The following BCR variants were observed in gnomAD, a reference collection of about 807,000 sequenced individuals.
BCR encodes breakpoint cluster region protein.
A neutral mutation model predicts 138.6 loss-of-function variants in BCR; 58 were observed. The ratio of observed to expected loss-of-function variants is 0.42; its 90% CI spans 0.34 to 0.52. The LOEUF is 0.52. Ranked by LOEUF, BCR falls within the 20% of genes least tolerant of loss-of-function variation. BCR has a pLI of 0.06. For missense variants in BCR, 1,599 were observed against 1,727.2 expected (o/e 0.93, Z 1.32); for synonymous variants, 786 against 730.1 (o/e 1.08, Z -1.23).
At chr22:23,212,715 C>G (rs935287554) in intron 1 of BCR, among the ~76,000 whole-genome samples, 1 of 152,338 alleles carries the variant, frequency 6.6e-6, no homozygotes, top group Non-Finnish European at 1.5e-5. Context: ...ACACACACAG[C>G]TTCCATGGGC....
At position 23,295,151 on chromosome 22, in the gene BCR, T is replaced by G; in HGVS notation, c.3008T>G (p.Val1003Gly). The G allele has an allele frequency of 6.2e-7, 1 of 1,611,624 alleles. No homozygotes were observed. Among genetic ancestry groups the G allele is most frequent in the Non-Finnish European group, 8.5e-7 (1 of 1,178,538 alleles). Residue 1003 changes from valine (V) to glycine (G), a missense_variant, in exon 16 of 23, where the codon GTC becomes GGC. Coordinates refer to ENST00000305877, the MANE Select transcript of BCR (RefSeq NM_004327.4). Reference protein sequence around the residue: ...STDRLMGKGQVQLDPQALQDR... With the variant: ...STDRLMGKGQGQLDPQALQDR... ...GACAGACTCATGGGGAAGGGCCAGGTCCAGGTGAGGCAGCCATCCCTACCC... is the reference window on the plus strand; with the variant it reads ...GACAGACTCATGGGGAAGGGCCAGGGCCAGGTGAGGCAGCCATCCCTACCC...
intron 8 of BCR, among the ~76,000 whole-genome samples, chr22:23,282,105 C>T (rs569383860): frequency 6.0e-4 from 91 of 152,388 alleles, no homozygotes; most frequent in South Asian, 1.0e-3. Flanking sequence ...CCTCCTTGGC[C>T]GGGAGGCCCT....
chr22:23,278,621 G>A (rs1234887580), intron 8 of BCR, among the ~76,000 whole-genome samples: 3 of 151,868 alleles, frequency 2.0e-5, no homozygotes, highest in Non-Finnish European at 2.9e-5. Context: ...CAGCTACTCC[G>A]GAGGCGGAGG....
intron 5 of BCR, among the ~76,000 whole-genome samples, 195 bp downstream of exon 5, chr22:23,268,710 C>T (rs2073474777): frequency 1.3e-5 from 2 of 152,214 alleles, no homozygotes; most frequent in Non-Finnish European, 1.5e-5. Context: ...GCCCACAGGG[C>T]GTCCTGCCTC....
intron 16 of BCR, among the ~76,000 whole-genome samples, chr22:23,301,969 G>A (rs552909071): frequency 5.3e-5 from 8 of 152,174 alleles, no homozygotes; most frequent in Non-Finnish European, 1.0e-4. Flanking sequence ...GCTCTTTTCT[G>A]GACTGTGGGC....
intron 1 of BCR, among the ~76,000 whole-genome samples, chr22:23,228,966 C>G (rs1879435081): frequency 6.6e-6 from 1 of 152,154 alleles, no homozygotes; most frequent in African/African-American, 2.4e-5. Flanking sequence ...TCTCTCCTCT[C>G]TTTCTGGGAC....
At chr22:23,224,797 G>A (rs910907525) in intron 1 of BCR, among the ~76,000 whole-genome samples, 5 of 152,048 alleles carry the variant, frequency 3.3e-5, no homozygotes, top group East Asian at 1.9e-4. Context: ...CAGGATAATC[G>A]CTTGAACCCA....
chr22:23,219,397 T>G (rs773389076), intron 1 of BCR, among the ~76,000 whole-genome samples: 2 of 152,012 alleles, frequency 1.3e-5, no homozygotes, highest in Non-Finnish European at 2.9e-5. Context: ...GGCTCCAGAG[T>G]CATCCCTATG....
intron 1 of BCR, among the ~76,000 whole-genome samples, chr22:23,191,451 A>AAAC (rs146041852): frequency 3.3e-5 from 5 of 151,744 alleles, no homozygotes; most frequent in Non-Finnish European, 7.4e-5. Context: ...CTTGTCTTTA[A>AAAC]AACAACAACA....
chr22:23,203,818 C>T (rs1337641075), intron 1 of BCR, among the ~76,000 whole-genome samples: 1 of 152,210 alleles, frequency 6.6e-6, no homozygotes, highest in Non-Finnish European at 1.5e-5. Flanking sequence ...TTAGGTCTGC[C>T]AGATAGCATT....
intron 16 of BCR, chr22:23,307,716 A>T (rs1446513075): frequency 6.7e-6 from 1 of 150,282 alleles, no homozygotes; most frequent in African/African-American, 2.5e-5. Flanking sequence ...CTCTGGCTGC[A>T]CAGTTCAGAG....
chr22:23,181,508 A>T lies in BCR; in HGVS notation c.548A>T (p.His183Leu). The T allele has an allele frequency of 6.2e-7, 1 of 1,612,396 alleles. No individual in the cohort carries two copies. The highest frequency in any genetic ancestry group is 8.5e-7 in the Non-Finnish European group (1 of 1,179,550). Residue 183 changes from histidine (H) to leucine (L), a missense_variant, in exon 1 of 23, where the codon CAC becomes CTC. Coordinates refer to ENST00000305877, the MANE Select transcript of BCR (RefSeq NM_004327.4). ...EKPFYVNVEF[H>L]HERGLVKVND... Reference sequence around the variant, plus strand: ...CCCTTCTACGTGAACGTCGAGTTTCACCACGAGCGCGGCCTGGTGAAGGTC... The same window carrying T: ...CCCTTCTACGTGAACGTCGAGTTTCTCCACGAGCGCGGCCTGGTGAAGGTC...
At chr22:23,280,268 G>A (rs1483311641) in intron 8 of BCR, among the ~76,000 whole-genome samples, 4 of 152,222 alleles carry the variant, frequency 2.6e-5, no homozygotes, top group East Asian at 1.9e-4. Context: ...AGCTGGAGGA[G>A]GCAGCTGGCC....
chr22:23,262,933 G>T (rs186780558), intron 4 of BCR: 54 of 1,107,848 alleles, frequency 4.9e-5, no homozygotes, highest in Non-Finnish European at 5.9e-5. Context: ...GAAGCAGAGG[G>T]AGGCGGAAGC....
chr22:23,203,410 G>A (rs2146211765), intron 1 of BCR, among the ~76,000 whole-genome samples: 1 of 152,304 alleles, frequency 6.6e-6, no homozygotes, highest in East Asian at 1.9e-4. Flanking sequence ...AAACGTCTGA[G>A]CTGTGTGGGG....
Position 23,181,894 on chromosome 22 carries a change from C to A in BCR, c.934C>A (p.Pro312Thr), listed in dbSNP as rs1006981326. 6.2e-7 allele frequency: 1 copy of A among 1,613,432 alleles called. No individual in the cohort carries two copies. The highest frequency in any genetic ancestry group is 8.5e-7 in the Non-Finnish European group (1 of 1,179,928). Residue 312 changes from proline to threonine, a missense_variant, in exon 1 of 23, where the codon CCC becomes ACC. Physicochemically the swap from Pro to Thr is conservative, Grantham distance 38. This residue lies in a region of BCR where 806 missense variants were observed against 635.0 expected (regional missense o/e 1.27). Transcript: ENST00000305877. Reference sequence around the variant, plus strand: ...TGAGCAGGAGAAGCGCCTTACCTGGCCCCGCAGGTCCTACTCCCCCCGGAG... The same window carrying A: ...TGAGCAGGAGAAGCGCCTTACCTGGACCCGCAGGTCCTACTCCCCCCGGAG... ...TSEQEKRLTW[P>T]RRSYSPRSFE...
chr22:23,285,322 C>T, intron 10 of BCR, 121 bp downstream of exon 10: 1 of 1,092,592 alleles, frequency 9.2e-7, no homozygotes, highest in Non-Finnish European at 1.3e-6. Context: ...CTCTGGGACC[C>T]CTGTAAGCTC....
chr22:23,181,391 ACCGGGGACCCC>A lies in BCR; in HGVS notation c.435_445del (p.Gly146GlnfsTer118). On this transcript the variant is annotated frameshift_variant, in exon 1 of 23. Transcript: ENST00000305877. LOFTEE classifies it high-confidence loss of function. ...GCAGCCGCGTCGGGGGAACGGGACG[ACCGGGGACCCC>A]CCGCCAGCGTGGCGGCGCTCAGGTC... 6.4e-7 allele frequency: 1 copy of A among 1,555,296 alleles called. No individual in the cohort carries two copies. Among genetic ancestry groups the A allele is most frequent in the African/African-American group, 1.4e-5 (1 of 73,386 alleles).
intron 4 of BCR, chr22:23,264,051 G>A: frequency 9.6e-7 from 1 of 1,042,862 alleles, no homozygotes; most frequent in Non-Finnish European, 1.5e-6. Context: ...GCTCTCCTGT[G>A]GCTATGACAC....
Sources: gnomAD v4.1 joint callset for allele counts (sites outside exome capture counted in the v4.1 genomes callset) on GRCh38, gnomAD v4.1.1 for gene constraint, gnomAD v4.1.1 regional missense constraint, MANE v1.5 for transcripts, NCBI Gene and HGNC (gene_info 2026-07-23, HGNC 2026-07-21) for gene names.